The following WDR7 variants were observed in gnomAD, a reference collection of about 807,000 sequenced individuals.
The protein encoded by WDR7 is WD repeat domain 7, also known as WD repeat-containing protein 7.
A neutral mutation model predicts 169.4 loss-of-function variants in WDR7; 46 were observed. The observed-to-expected ratio is 0.27, with a 90% CI of 0.21 to 0.35. The LOEUF is 0.35. WDR7 is among the 10% of genes least tolerant of loss of function. WDR7 has a pLI of 1.00. For synonymous variants in WDR7, 612 were observed against 666.8 expected, an observed-to-expected ratio of 0.92 and a Z score of 1.27; for missense variants, 1,534 against 1,859.3, an observed-to-expected ratio of 0.83 and a Z score of 3.22.
chr18:56,702,373 T>C (rs1417155287), intron 12 of WDR7, among the ~76,000 whole-genome samples: 2 of 152,168 alleles, frequency 1.3e-5, no homozygotes, highest in African/African-American at 4.8e-5. Context: ...AAACTAGGTT[T>C]TGGAAAAAAT....
chr18:56,672,727 A>G (rs926952340), intron 2 of WDR7, 53 bp downstream of exon 2: 5 of 1,483,348 alleles, frequency 3.4e-6, no homozygotes, highest in Non-Finnish European at 4.5e-6. Context: ...TCTACTTATT[A>G]GAAGATAATA....
chr18:56,687,698 T>A (rs1292189482), intron 7 of WDR7, among the ~76,000 whole-genome samples: 2 of 152,128 alleles, frequency 1.3e-5, no homozygotes, highest in Non-Finnish European at 2.9e-5. Context: ...ACAATCATAG[T>A]TCACTACAGC....
chr18:56,728,178 G>C (rs1402835859), intron 13 of WDR7, among the ~76,000 whole-genome samples: 2 of 152,182 alleles, frequency 1.3e-5, no homozygotes, highest in Non-Finnish European at 2.9e-5. Context: ...CATCACTAGA[G>C]TTTACTTAGG....
intron 19 of WDR7, among the ~76,000 whole-genome samples, 169 bp from the exon 20 acceptor site, chr18:56,815,862 C>T (rs2044958231): frequency 6.6e-6 from 1 of 152,142 alleles, no homozygotes; most frequent in Admixed American, 6.5e-5. Context: ...ATAAATAGAG[C>T]ACACGTGAAT....
intron 19 of WDR7, among the ~76,000 whole-genome samples, chr18:56,786,878 A>G (rs1337786171): frequency 2.0e-5 from 3 of 151,448 alleles, no homozygotes; most frequent in Non-Finnish European, 4.4e-5. Flanking sequence ...TTTATTGGTT[A>G]TTGTTACTAT....
chr18:57,014,153 C>G (rs2048175099), intron 26 of WDR7, among the ~76,000 whole-genome samples: 1 of 151,810 alleles, frequency 6.6e-6, no homozygotes, highest in Non-Finnish European at 1.5e-5. Context: ...TGGGGAAACC[C>G]TGTCTCCAAT....
intron 1 of WDR7, among the ~76,000 whole-genome samples, chr18:56,651,967 C>T (rs1307306997): frequency 1.3e-5 from 2 of 152,136 alleles, no homozygotes; most frequent in African/African-American, 2.4e-5. Context: ...TCTTTCCTTT[C>T]CTGTTGGTAC....
At chr18:56,801,548 A>G (rs1476591887) in intron 19 of WDR7, among the ~76,000 whole-genome samples, 2 of 152,232 alleles carry the variant, frequency 1.3e-5, no homozygotes, top group Non-Finnish European at 2.9e-5. Flanking sequence ...ATCCATCACC[A>G]CAGTACCATA....
intron 14 of WDR7, among the ~76,000 whole-genome samples, chr18:56,751,913 T>G (rs1189810474): frequency 6.6e-6 from 1 of 152,264 alleles, no homozygotes; most frequent in African/African-American, 2.4e-5. Flanking sequence ...TGCTATTGCA[T>G]ACTTTTATCT....
chr18:56,981,028 A>C (rs2047637309), intron 26 of WDR7, among the ~76,000 whole-genome samples: 1 of 152,234 alleles, frequency 6.6e-6, no homozygotes, highest in Non-Finnish European at 1.5e-5. Context: ...AGACAAAAGT[A>C]GAAATGGGGA....
chr18:56,936,797 A>T (rs1193764370), intron 23 of WDR7, among the ~76,000 whole-genome samples: 3 of 152,194 alleles, frequency 2.0e-5, no homozygotes, highest in African/African-American at 7.2e-5. Context: ...CTTTGAATTC[A>T]TATCTAAAAT....
At chr18:57,021,319 G>C in intron 27 of WDR7, among the ~76,000 whole-genome samples, 1 of 152,160 alleles carries the variant, frequency 6.6e-6, no homozygotes, top group East Asian at 1.9e-4. Context: ...GAGAGGAATC[G>C]GGCAGGAGAA....
At chr18:56,837,465 AG>A (rs2045413037) in intron 20 of WDR7, among the ~76,000 whole-genome samples, 2 of 152,244 alleles carry the variant, frequency 1.3e-5, no homozygotes, top group Non-Finnish European at 2.9e-5. Flanking sequence ...AATTTTAAAC[AG>A]GTTTTATTAC....
intron 16 of WDR7, among the ~76,000 whole-genome samples, chr18:56,774,482 A>G (rs1455523936): frequency 2.0e-5 from 3 of 152,116 alleles, no homozygotes; most frequent in African/African-American, 4.8e-5. Context: ...TGTTTTCCCA[A>G]TCCTTAATAA....
chr18:56,823,101 A>T (rs1333544702), intron 20 of WDR7, among the ~76,000 whole-genome samples: 2 of 152,146 alleles, frequency 1.3e-5, no homozygotes, highest in African/African-American at 4.8e-5. Flanking sequence ...TAAAACTGAG[A>T]TACACTTTCT....
chr18:56,749,538 A>G (rs2043756426), intron 14 of WDR7, among the ~76,000 whole-genome samples: 1 of 151,996 alleles, frequency 6.6e-6, no homozygotes, highest in African/African-American at 2.4e-5. Context: ...AAATCAGCCT[A>G]TGTCTGTACT....
intron 19 of WDR7, among the ~76,000 whole-genome samples, chr18:56,789,955 T>A (rs565983144): frequency 6.6e-6 from 1 of 152,380 alleles, no homozygotes; most frequent in African/African-American, 2.4e-5. Flanking sequence ...ATGCCTGATA[T>A]ACCTTTAGCT....
intron 27 of WDR7, among the ~76,000 whole-genome samples, chr18:57,022,783 A>G (rs2048309431): frequency 6.6e-6 from 1 of 152,252 alleles, no homozygotes; most frequent in Non-Finnish European, 1.5e-5. Context: ...CTCGTTTATT[A>G]GATGGCTTCC....
intron 1 of WDR7, among the ~76,000 whole-genome samples, chr18:56,669,413 G>T (rs879305676): frequency 6.6e-6 from 1 of 152,042 alleles, no homozygotes; most frequent in Non-Finnish European, 1.5e-5. Context: ...GTAGAATCTA[G>T]AATTACTGAT....
Sources: allele counts gnomAD v4.1 joint callset (sites outside exome capture counted in the v4.1 genomes callset), GRCh38; gene constraint gnomAD v4.1.1; transcripts MANE v1.5; gene names NCBI Gene and HGNC (gene_info 2026-07-23, HGNC 2026-07-21).